The following SLC25A20 variants were observed in gnomAD, a reference collection of about 807,000 sequenced individuals.
SLC25A20 encodes the protein solute carrier family 25 member 20, also known as mitochondrial carnitine/acylcarnitine carrier protein.
A neutral mutation model predicts 39.7 loss-of-function variants in SLC25A20; 29 were observed. That is an observed-to-expected ratio of 0.73 (90% CI 0.54 to 1.00). SLC25A20 has a LOEUF of 1.00. Among genes scored for constraint, SLC25A20 ranks in the 50% least tolerant of loss-of-function variants. The probability of loss-of-function intolerance (pLI) is 0.00; values close to 1 mark genes in which losing one functional copy is unlikely to be tolerated. For synonymous variants in SLC25A20, 103 were observed against 142.2 expected (o/e 0.72, Z 1.96); for missense variants, 333 against 379.9 (o/e 0.88, Z 1.03).
At chr3:48,883,869 C>T (rs906032393) in intron 3 of SLC25A20, 128 bp downstream of exon 3, 90 of 1,127,154 alleles carry the variant, frequency 8.0e-5, no homozygotes, top group Non-Finnish European at 1.2e-4. Flanking sequence ...GGTGATCCAC[C>T]CGCCTCAGTC....
At chr3:48,898,500 C>A (rs912079279) in intron 1 of SLC25A20, among the ~76,000 whole-genome samples, 190 bp downstream of exon 1, 11 of 152,234 alleles carry the variant, frequency 7.2e-5, no homozygotes, top group Non-Finnish European at 1.6e-4. Flanking sequence ...GCTCACTTTG[C>A]GCCGCCGCCT....
chr3:48,898,088 T>C (rs1320151251), intron 1 of SLC25A20, among the ~76,000 whole-genome samples: 1 of 152,206 alleles, frequency 6.6e-6, no homozygotes, highest in Non-Finnish European at 1.5e-5. Context: ...GCTGATCACC[T>C]TGCTTTCCGT....
intron 2 of SLC25A20, among the ~76,000 whole-genome samples, chr3:48,886,385 G>A (rs1006481775): frequency 6.6e-6 from 1 of 151,944 alleles, no homozygotes; most frequent in African/African-American, 2.4e-5. Context: ...TTAGCCAGGC[G>A]TGGTGGCACA....
intron 1 of SLC25A20, among the ~76,000 whole-genome samples, chr3:48,897,966 A>G (rs1188795033): frequency 6.6e-6 from 1 of 152,210 alleles, no homozygotes; most frequent in Non-Finnish European, 1.5e-5. Context: ...TTGAGATATG[A>G]TATGAGGAAG....
intron 4 of SLC25A20, among the ~76,000 whole-genome samples, chr3:48,874,945 G>A (rs2083743865): frequency 6.7e-6 from 1 of 149,408 alleles, no homozygotes; most frequent in Admixed American, 6.7e-5. Context: ...GTGCATGCCT[G>A]TAATCCCACG....
At position 48,871,524 on chromosome 3, in the gene SLC25A20, T is replaced by C. The variant is rs551142677; in HGVS notation, c.417+7834A>G. ...GACTCACGCCTGTAATCCCAGCACT[T>C]TGGGAGGCTGAGGTGGGCGGATCAC... On this transcript the variant is annotated intron_variant, in intron 4 of 8. Coordinates refer to ENST00000319017, the MANE Select transcript of SLC25A20 (RefSeq NM_000387.6). Among the ~76,000 whole-genome samples, 4 of 152,032 alleles carry C rather than the reference T, an allele frequency of 2.6e-5. No homozygotes were observed. The South Asian group carries it at 8.3e-4, about 32-fold the overall frequency.
At chr3:48,862,861 C>T (rs960646408) in intron 4 of SLC25A20, among the ~76,000 whole-genome samples, 2 of 152,166 alleles carry the variant, frequency 1.3e-5, no homozygotes, top group African/African-American at 4.8e-5. Flanking sequence ...AAAACATTCA[C>T]ATTGACTAGA....
At chr3:48,880,574 CTTT>C (rs35306259) in intron 3 of SLC25A20, among the ~76,000 whole-genome samples, 12 of 73,064 alleles carry the variant, frequency 1.6e-4, no homozygotes, top group Admixed American at 2.0e-4. Flanking sequence ...CTGTGCCCGG[CTTT>C]TTTTTTTTTT....
At chr3:48,861,382 TGGGCCAAGCA>T (rs1420536573) in intron 5 of SLC25A20, among the ~76,000 whole-genome samples, 14 of 152,196 alleles carry the variant, frequency 9.2e-5, no homozygotes, top group African/African-American at 3.4e-4. Context: ...GATGCTGCTC[TGGGCCAAGCA>T]CTGGTGTAAG....
intron 4 of SLC25A20, among the ~76,000 whole-genome samples, chr3:48,865,270 G>A (rs1280834105): frequency 6.6e-6 from 1 of 151,782 alleles, no homozygotes; most frequent in African/African-American, 2.4e-5. Context: ...TGGGACTACA[G>A]GCACGTGCCA....
At chr3:48,877,827 A>G (rs2083769988) in intron 4 of SLC25A20, among the ~76,000 whole-genome samples, 1 of 152,206 alleles carries the variant, frequency 6.6e-6, no homozygotes, top group African/African-American at 2.4e-5. Flanking sequence ...TTGTTAAGAC[A>G]TGACTCACCT....
In SLC25A20 at chr3:48,884,086, GAT is replaced by G; in HGVS notation, c.235_236del (p.Ile79HisfsTer104). 6.2e-7 allele frequency: 1 copy of G among 1,613,880 alleles called. No homozygotes were observed. The highest frequency in any genetic ancestry group is 8.5e-7 in the Non-Finnish European group (1 of 1,179,834). ...CGGCAAACATGGGAGTGACCCCGAT[GAT>G]AGGGGCAGCCATTCCCCGATATAGC... is the stretch of plus-strand genomic sequence containing the variant. ...TGLYRGMAAP[I>X]IGVTPMFAVC... On this transcript the variant is annotated frameshift_variant, in exon 3 of 9. Coordinates refer to ENST00000319017, the MANE Select transcript of SLC25A20 (RefSeq NM_000387.6). LOFTEE classifies it high-confidence loss of function.
In SLC25A20 at chr3:48,857,642, T is replaced by C; in HGVS notation, c.*68A>G. ...CTTGCCCTCCAAGACTGCTTAGTTCTGCTTACTACTCCTTCTCCTCAACGA... is the reference window on the plus strand; with the variant it reads ...CTTGCCCTCCAAGACTGCTTAGTTCCGCTTACTACTCCTTCTCCTCAACGA... On this transcript the variant is annotated 3_prime_UTR_variant, in exon 9 of 9. Coordinates refer to ENST00000319017, the MANE Select transcript of SLC25A20 (RefSeq NM_000387.6). 3 of 1,471,040 alleles carry C rather than the reference T, an allele frequency of 2.0e-6. No individual in the cohort carries two copies. The highest frequency in any genetic ancestry group is 1.9e-6 in the Non-Finnish European group (2 of 1,056,612). The allele number at this position is 1,471,040 out of a possible 1,614,324, so 91.1% of individuals were successfully genotyped here.
At chr3:48,858,391 G>T in intron 8 of SLC25A20, 116 bp downstream of exon 8, 2 of 1,466,676 alleles carry the variant, frequency 1.4e-6, no homozygotes, top group Non-Finnish European at 1.9e-6. Flanking sequence ...TCTGGCTGAA[G>T]ATAGGGCTTT....
chr3:48,892,892 A>G (rs1196102517), intron 1 of SLC25A20, among the ~76,000 whole-genome samples: 1 of 152,164 alleles, frequency 6.6e-6, no homozygotes, highest in Admixed American at 6.6e-5. Flanking sequence ...TCTAACTTAT[A>G]TGTCAACTCT....
intron 1 of SLC25A20, chr3:48,895,690 C>T (rs1368128008): frequency 1.6e-5 from 7 of 435,122 alleles, no homozygotes; most frequent in Non-Finnish European, 3.3e-5. Context: ...CTCTGGGCAA[C>T]AGAGGTGACA....
At position 48,884,128 on chromosome 3, in the gene SLC25A20, C is replaced by T. The variant is rs2083814970; in HGVS notation, c.199-4G>A. The T allele has an allele frequency of 6.2e-7, 1 of 1,613,180 alleles. No individual in the cohort carries two copies. The highest frequency in any genetic ancestry group is 1.6e-4 in the Middle Eastern group (1 of 6,062). On this transcript the variant is annotated splice_region_variant and splice_polypyrimidine_tract_variant and intron_variant, in intron 2 of 8. Coordinates refer to ENST00000319017, the MANE Select transcript of SLC25A20 (RefSeq NM_000387.6). The stretch of plus-strand genomic sequence containing the variant: ...CCCGATATAGCCCCGTGATGCCCTG[C>T]AAGGAATCACAGAAGCAGAAGCTGT...
chr3:48,878,978 C>T (rs2083781216), intron 4 of SLC25A20, among the ~76,000 whole-genome samples: 1 of 151,920 alleles, frequency 6.6e-6, no homozygotes, highest in African/African-American at 2.4e-5. Flanking sequence ...TCAAGTGATT[C>T]TCCTGCCTCA....
chr3:48,865,433 A>T (rs773547999), intron 4 of SLC25A20, among the ~76,000 whole-genome samples: 5 of 151,722 alleles, frequency 3.3e-5, no homozygotes, highest in Non-Finnish European at 7.4e-5. Context: ...CAGAGATATA[A>T]ATTTGAGTCA....
Sources: gnomAD v4.1 joint callset for allele counts (sites outside exome capture counted in the v4.1 genomes callset) on GRCh38, gnomAD v4.1.1 for gene constraint, MANE v1.5 for transcripts, NCBI Gene and HGNC (gene_info 2026-07-23, HGNC 2026-07-21) for gene names.